Variants in ZMIZ1 observed in about 807,000 individuals in gnomAD.
ZMIZ1 encodes zinc finger MIZ domain-containing protein 1.
In ZMIZ1, 17 loss-of-function variants were observed where a neutral mutation model predicts 113.9. That is an observed-to-expected ratio of 0.15 (90% CI 0.10 to 0.22). The LOEUF is 0.22. ZMIZ1 is among the 10% of genes least tolerant of loss of function. The pLI, the probability that ZMIZ1 is intolerant of heterozygous loss-of-function variation, is 1.00. For missense variants in ZMIZ1, 1,059 were observed against 1,477.8 expected (o/e 0.72, Z 4.65); for synonymous variants, 607 against 603.1 (o/e 1.01, Z -0.09).
At position 79,208,345 on chromosome 10, in the gene ZMIZ1, A is replaced by G; in HGVS notation, c.70A>G (p.Asn24Asp). Residue 24 changes from asparagine (N) to aspartate (D), a missense_variant, in exon 6 of 25, where the codon AAT becomes GAT. Transcript: ENST00000334512. ...RLQCIKQHLQ[N>D]PANFHNAATE... ...TTTTCCTTTCCCACAGCACTTACAG[A>G]ATCCTGCCAACTTCCACAATGCCGC... 6.2e-7 allele frequency: 1 copy of G among 1,614,082 alleles called. No individual in the cohort carries two copies.
intron 2 of ZMIZ1, among the ~76,000 whole-genome samples, chr10:79,133,852 C>G (rs937088315): frequency 2.0e-5 from 3 of 152,196 alleles, no homozygotes; most frequent in Non-Finnish European, 2.9e-5. Flanking sequence ...TGTTTAAGGA[C>G]TGGGGCATTG....
intron 7 of ZMIZ1, among the ~76,000 whole-genome samples, chr10:79,273,734 C>T (rs1167029448): frequency 2.0e-5 from 3 of 152,254 alleles, no homozygotes; most frequent in Admixed American, 6.5e-5. Context: ...AAAAAGTTTG[C>T]AGGGTGGAGC....
At chr10:79,137,847 G>C (rs1845078968) in intron 2 of ZMIZ1, among the ~76,000 whole-genome samples, 1 of 152,034 alleles carries the variant, frequency 6.6e-6, no homozygotes, top group Non-Finnish European at 1.5e-5. Flanking sequence ...TGCTCCTAGG[G>C]TGGGCGCTGT....
At chr10:79,137,649 C>T (rs774052825) in intron 2 of ZMIZ1, among the ~76,000 whole-genome samples, 2 of 152,190 alleles carry the variant, frequency 1.3e-5, no homozygotes, top group Non-Finnish European at 1.5e-5. Context: ...CAGAATGGTC[C>T]TTGCCCTCTG....
At chr10:79,219,142 T>G in intron 7 of ZMIZ1, among the ~76,000 whole-genome samples, 1 of 149,756 alleles carries the variant, frequency 6.7e-6, no homozygotes, top group East Asian at 2.0e-4. Context: ...AAGACAAGAG[T>G]GGAATGGAGA....
chr10:79,272,413 G>T lies in ZMIZ1; in HGVS notation c.281-4768G>T, dbSNP rs567941103. Among the ~76,000 whole-genome samples the T allele has an allele frequency of 5.3e-5, 8 of 152,372 alleles. No homozygotes were observed. In the East Asian group the frequency reaches 1.5e-3, roughly 29 times the overall value. ...GTAGGTGTGAAGGGAATGAGGTTTC[G>T]AATCGAATCCAGACTTTCGGAGTCC... On this transcript the variant is annotated intron_variant, in intron 7 of 24. Coordinates refer to ENST00000334512, the MANE Select transcript of ZMIZ1 (RefSeq NM_020338.4).
chr10:79,211,362 T>C (rs1479850286), intron 6 of ZMIZ1, among the ~76,000 whole-genome samples: 2 of 151,610 alleles, frequency 1.3e-5, no homozygotes, highest in African/African-American at 2.4e-5. Flanking sequence ...CCCTGCCCCA[T>C]GGAGAAGAAC....
At chr10:79,116,589 G>A (rs1390414670) in intron 1 of ZMIZ1, among the ~76,000 whole-genome samples, 2 of 152,178 alleles carry the variant, frequency 1.3e-5, no homozygotes, top group Non-Finnish European at 2.9e-5. Flanking sequence ...CTGCAGGGCT[G>A]GGGATGGGCT....
In ZMIZ1 at chr10:79,218,828, C is replaced by T. The variant is rs1215237653; in HGVS notation, c.280+2554C>T. Among the ~76,000 whole-genome samples, 5 of 151,984 alleles carry T rather than the reference C, an allele frequency of 3.3e-5. No homozygotes were observed. The South Asian group carries it at 1.0e-3, about 32-fold the overall frequency. On this transcript the variant is annotated intron_variant, in intron 7 of 24. Transcript: ENST00000334512. The stretch of plus-strand genomic sequence containing the variant: ...TGTTGAGGTAGAAGGGGAGCATGCA[C>T]GGCTTTTTGTCAGAACTAAGAGAAA...
chr10:79,303,153 C>T (rs1854444507), intron 18 of ZMIZ1, among the ~76,000 whole-genome samples: 2 of 151,902 alleles, frequency 1.3e-5, no homozygotes, highest in African/African-American at 4.8e-5. Flanking sequence ...AGCCACCACA[C>T]CTGGCCAGCT....
In ZMIZ1 at chr10:79,258,653, A is replaced by G. The variant is rs573486217; in HGVS notation, c.281-18528A>G. Among the ~76,000 whole-genome samples, 202 of 152,272 alleles carry G rather than the reference A, an allele frequency of 1.3e-3. 1 individual carries two copies. Among genetic ancestry groups the G allele is most frequent in the Non-Finnish European group, 1.2e-3 (83 of 68,008 alleles). On this transcript the variant is annotated intron_variant, in intron 7 of 24. Transcript: ENST00000334512. ...TTGGATGAGGCAAAGTGGGACATAA[A>G]CCTGTGCCCATCAGTGCAACATAGC... is the stretch of plus-strand genomic sequence containing the variant.
At chr10:79,145,344 T>TGCCGGCGCGACAGA (rs11268036) in intron 3 of ZMIZ1, among the ~76,000 whole-genome samples, 1 of 151,878 alleles carries the variant, frequency 6.6e-6, no homozygotes, top group South Asian at 2.1e-4. Context: ...CATTCCGGAG[T>TGCCGGCGCGACAGA]GCCTGCGAGG....
intron 1 of ZMIZ1, among the ~76,000 whole-genome samples, chr10:79,114,506 C>CGTGTGTGTGTGTGCGTGT (rs1843923027): frequency 1.4e-4 from 13 of 93,188 alleles, no homozygotes; most frequent in African/African-American, 1.9e-4. Context: ...TGTGTGTGTG[C>CGTGTGTGTGTGTGCGTGT]GTGTGTGTGT....
chr10:79,293,844 G>A (rs904083711), intron 12 of ZMIZ1, 191 bp downstream of exon 12: 8 of 840,266 alleles, frequency 9.5e-6, no homozygotes, highest in East Asian at 2.7e-5. Context: ...GAAAGACCTC[G>A]AGCCAGTCAC....
intron 4 of ZMIZ1, among the ~76,000 whole-genome samples, chr10:79,165,662 G>A (rs1486380144): frequency 6.6e-6 from 1 of 152,222 alleles, no homozygotes; most frequent in Admixed American, 6.5e-5. Context: ...TGACTGAGGG[G>A]CAGTGTGGGG....
At chr10:79,073,096 C>T (rs984888674) in intron 1 of ZMIZ1, among the ~76,000 whole-genome samples, 5 of 152,178 alleles carry the variant, frequency 3.3e-5, no homozygotes, top group African/African-American at 4.8e-5. Context: ...CTCCCTATTA[C>T]CGGAGGAGAT....
chr10:79,280,133 A>G (rs1456620145), intron 8 of ZMIZ1, among the ~76,000 whole-genome samples: 1 of 151,856 alleles, frequency 6.6e-6, no homozygotes, highest in Non-Finnish European at 1.5e-5. Context: ...GACCACAGGC[A>G]TTCACCACCA....
intron 1 of ZMIZ1, among the ~76,000 whole-genome samples, chr10:79,100,924 C>T (rs1370563): frequency 0.018 from 2,677 of 152,276 alleles, 74 homozygotes; most frequent in African/African-American, 0.052. Context: ...GCTGTTCTCA[C>T]CCCAGCACAG....
intron 1 of ZMIZ1, among the ~76,000 whole-genome samples, chr10:79,076,679 C>T (rs1842485890): frequency 6.6e-6 from 1 of 152,170 alleles, no homozygotes; most frequent in Non-Finnish European, 1.5e-5. Context: ...GCTAAAGATA[C>T]AAAAATTATC....
Sources: allele counts gnomAD v4.1 joint callset (sites outside exome capture counted in the v4.1 genomes callset), GRCh38; gene constraint gnomAD v4.1.1; transcripts MANE v1.5; gene names NCBI Gene and HGNC (gene_info 2026-07-23, HGNC 2026-07-21).